Variants in RSL1D1 observed in about 807,000 individuals in gnomAD.
RSL1D1 encodes the protein ribosomal L1 domain-containing protein 1.
In RSL1D1, 34 loss-of-function variants were observed where a neutral mutation model predicts 44.6. The ratio of observed to expected loss-of-function variants is 0.76; its 90% CI spans 0.58 to 1.02. The LOEUF is 1.02. RSL1D1 is among the 50% of genes least tolerant of loss of function. RSL1D1 has a pLI of 0.00. For synonymous variants in RSL1D1, 271 were observed against 207.4 expected (o/e 1.31, Z -2.63); for missense variants, 767 against 568.1 (o/e 1.35, Z -3.56).
intron 1 of RSL1D1, 66 bp from the exon 2 acceptor site, chr16:11,850,484 T>C (rs1368578545): frequency 2.6e-6 from 4 of 1,516,378 alleles, no homozygotes; most frequent in African/African-American, 2.8e-5. Context: ...ATAAATGAAA[T>C]GTTCTCAATC....
At chr16:11,840,997 T>C (rs1047027844) in intron 7 of RSL1D1, among the ~76,000 whole-genome samples, 1 of 152,356 alleles carries the variant, frequency 6.6e-6, no homozygotes, top group East Asian at 1.9e-4. Context: ...AATGTATATA[T>C]AGCTCACATT....
rs1291376616 is a variant in RSL1D1, at chr16:11,846,566, TA to T, written c.569del (p.Leu190TyrfsTer9). The T allele has an allele frequency of 1.9e-6, 3 of 1,608,792 alleles. No homozygotes were observed. In the African/African-American group the frequency reaches 4.0e-5, roughly 22 times the overall value. Reference protein sequence around the residue: ...PVSVNLLSKNLSREINDCIGG... With the variant: ...PVSVNLLSKNXSREINDCIGG... ...CTATACAGTCATTGATCTCTCTTGA[TA>T]AATTCTTGGACAGAAGGTTTACAGA... is the stretch of plus-strand genomic sequence containing the variant. On this transcript the variant is annotated frameshift_variant, in exon 5 of 9. Transcript: ENST00000571133. LOFTEE classifies it high-confidence loss of function.
intron 7 of RSL1D1, 67 bp from the exon 8 acceptor site, chr16:11,840,052 G>A (rs2053754471): frequency 1.3e-6 from 2 of 1,562,132 alleles, no homozygotes; most frequent in Non-Finnish European, 1.7e-6. Flanking sequence ...CGGCATAGAT[G>A]TACCACGTGC....
intron 1 of RSL1D1, chr16:11,851,019 C>T (rs917715276): frequency 3.8e-5 from 12 of 319,824 alleles, no homozygotes; most frequent in African/African-American, 2.0e-4. Context: ...ATGTACCAGG[C>T]CAAAGCGCTT....
At chr16:11,848,022 C>CA (rs2053811658) in intron 2 of RSL1D1, among the ~76,000 whole-genome samples, 1 of 152,106 alleles carries the variant, frequency 6.6e-6, no homozygotes, top group African/African-American at 2.4e-5. Context: ...GAGGCCAAGG[C>CA]AGATGGATCA....
chr16:11,840,043 G>C (rs189866794), intron 7 of RSL1D1, 58 bp from the exon 8 acceptor site: 40 of 1,575,606 alleles, frequency 2.5e-5, no homozygotes, highest in Non-Finnish European at 3.3e-5. Context: ...GTTAACAAAC[G>C]GCATAGATGT....
In RSL1D1 at chr16:11,834,393, A is replaced by G. The variant is rs2053702967; in HGVS notation, c.*3394T>C. The G allele has an allele frequency of 6.6e-6, 1 of 152,234 alleles. No individual in the cohort carries two copies. Among genetic ancestry groups the G allele is most frequent in the African/African-American group, 2.4e-5 (1 of 41,458 alleles). 9.4% of individuals were successfully genotyped at this position (152,234 alleles called of 1,614,324 possible). A position where few individuals can be genotyped will look rare whatever the true frequency, so the allele number is the denominator to read the frequency against. On this transcript the variant is annotated 3_prime_UTR_variant, in exon 9 of 9. Coordinates refer to ENST00000571133, the MANE Select transcript of RSL1D1 (RefSeq NM_015659.3). ...CAATAAATTGAAGCCAGCTTTTTCAACAGAGAACATTATTAGAATGAAACT... is the reference window on the plus strand; with the variant it reads ...CAATAAATTGAAGCCAGCTTTTTCAGCAGAGAACATTATTAGAATGAAACT...
At chr16:11,842,602 G>A (rs2053770421) in intron 5 of RSL1D1, among the ~76,000 whole-genome samples, 1 of 151,966 alleles carries the variant, frequency 6.6e-6, no homozygotes, top group African/African-American at 2.4e-5. Flanking sequence ...TGGAACTCCT[G>A]GGCTCAAGTG....
chr16:11,847,695 G>A lies in RSL1D1; in HGVS notation c.357C>T (p.Asn119=). 2 of 1,612,362 alleles carry A rather than the reference G, an allele frequency of 1.2e-6. No homozygotes were observed. The highest frequency in any genetic ancestry group is 1.7e-6 in the Non-Finnish European group (2 of 1,179,272). The stretch of plus-strand genomic sequence containing the variant: ...GAGAAACGGTTTTAATTCCATGCTT[G>A]TTTAAAAGCTTTCTATAAAACTGTT... ...KTEQFYRKLL[N]KHGIKTVSQI... Residue 119 remains asparagine, a synonymous_variant, in exon 3 of 9, where the codon AAC becomes AAT. Transcript: ENST00000571133.
rs78278399 is a variant in RSL1D1, at chr16:11,851,304, G to A, written c.105+104C>T. On this transcript the variant is annotated intron_variant, in intron 1 of 8. Transcript: ENST00000571133. The stretch of plus-strand genomic sequence containing the variant: ...ACGGCCCGCCAGCGACCGTCCCACA[G>A]CCCCGGGGAAGTCCGCCGAGCACGC... 3.7e-6 allele frequency: 4 copies of A among 1,087,976 alleles called. No homozygotes were observed. The African/African-American group carries it at 4.6e-5, about 13-fold the overall frequency. The allele number at this position is 1,087,976 out of a possible 1,614,324, so 67.4% of individuals were successfully genotyped here.
rs1359391206 is a variant in RSL1D1, at chr16:11,836,712, T to C, written c.*1075A>G. On this transcript the variant is annotated 3_prime_UTR_variant, in exon 9 of 9. Coordinates refer to ENST00000571133, the MANE Select transcript of RSL1D1 (RefSeq NM_015659.3). ...GACTCCATGTTAATTTCCCTTCCCATATGGATGCTAATCCAGTGACTCATA... is the reference window on the plus strand; with the variant it reads ...GACTCCATGTTAATTTCCCTTCCCACATGGATGCTAATCCAGTGACTCATA... 6.6e-6 allele frequency: 1 copy of C among 152,184 alleles called. No individual in the cohort carries two copies. Among genetic ancestry groups the C allele is most frequent in the Non-Finnish European group, 1.5e-5 (1 of 68,038 alleles). 9.4% of individuals were successfully genotyped at this position (152,184 alleles called of 1,614,324 possible).
chr16:11,841,517 C>A, intron 7 of RSL1D1, 178 bp downstream of exon 7: 1 of 560,190 alleles, frequency 1.8e-6, no homozygotes, highest in Admixed American at 3.5e-5. Flanking sequence ...CATCAACTAC[C>A]TCATGTAAAG....
At chr16:11,849,290 G>A (rs982835479) in intron 2 of RSL1D1, 1 of 151,942 alleles carries the variant, frequency 6.6e-6, no homozygotes, top group Non-Finnish European at 1.5e-5. Flanking sequence ...GGCTGAGGTG[G>A]GAGGATCACT....
chr16:11,850,623 C>T (rs1005083550), intron 1 of RSL1D1, among the ~76,000 whole-genome samples: 1 of 152,162 alleles, frequency 6.6e-6, no homozygotes, highest in African/African-American at 2.4e-5. Context: ...AAGAATCCAT[C>T]AAACATGCCT....
Position 11,841,996 on chromosome 16 carries a change from T to C in RSL1D1, c.640A>G (p.Ile214Val), listed in dbSNP as rs777699047. The C allele has an allele frequency of 6.8e-6, 11 of 1,607,506 alleles. No individual in the cohort carries two copies. The highest frequency in any genetic ancestry group is 7.6e-6 in the Non-Finnish European group (9 of 1,176,658). The change falls in exon 6 of 9, where the codon ATA (isoleucine) becomes GTA (valine). Residue 214 changes from isoleucine to valine, a missense_variant. By Grantham distance (29) the Ile-to-Val change is conservative. Coordinates refer to ENST00000571133, the MANE Select transcript of RSL1D1 (RefSeq NM_015659.3). The stretch of plus-strand genomic sequence containing the variant: ...TGCATTCCAACGTGACCAATACGTA[T>C]AGCACTGAAATTTAATATAGTATTA... ...NISKSGSCSA[I>V]RIGHVGMQIE...
chr16:11,840,110 G>C (rs2053755023), intron 7 of RSL1D1, 125 bp from the exon 8 acceptor site: 12 of 1,422,056 alleles, frequency 8.4e-6, no homozygotes, highest in Non-Finnish European at 1.0e-5. Context: ...TCTATACAGA[G>C]AACAAACTCC....
At chr16:11,838,876 A>AC (rs1555501003) in intron 8 of RSL1D1, among the ~76,000 whole-genome samples, 1 of 151,516 alleles carries the variant, frequency 6.6e-6, no homozygotes, top group East Asian at 1.9e-4. Flanking sequence ...AAACAAAAAA[A>AC]AACTGTGAAG....
At position 11,837,179 on chromosome 16, in the gene RSL1D1, T is replaced by C. The variant is rs2053727182; in HGVS notation, c.*608A>G. ...TTTGTAGAGATGGGGTTTTACCAAGTTGCCCAGGCTAGTCTCAAACTCCTG... is the reference window on the plus strand; with the variant it reads ...TTTGTAGAGATGGGGTTTTACCAAGCTGCCCAGGCTAGTCTCAAACTCCTG... On this transcript the variant is annotated 3_prime_UTR_variant, in exon 9 of 9. Coordinates refer to ENST00000571133, the MANE Select transcript of RSL1D1 (RefSeq NM_015659.3). The C allele has an allele frequency of 6.6e-6, 1 of 152,324 alleles. No homozygotes were observed. The highest frequency in any genetic ancestry group is 2.1e-4 in the South Asian group (1 of 4,802). The allele number at this position is 152,324 out of a possible 1,614,324, so 9.4% of individuals were successfully genotyped here.
intron 2 of RSL1D1, 105 bp from the exon 3 acceptor site, chr16:11,847,911 T>C: frequency 8.3e-7 from 1 of 1,202,266 alleles, no homozygotes; most frequent in Admixed American, 2.2e-5. Context: ...TAAATAACTT[T>C]TAGTCATGCT....
Sources: allele counts gnomAD v4.1 joint callset (sites outside exome capture counted in the v4.1 genomes callset), GRCh38; gene constraint gnomAD v4.1.1; transcripts MANE v1.5; gene names NCBI Gene and HGNC (gene_info 2026-07-23, HGNC 2026-07-21).